The following PDE3B variants were observed in gnomAD, a reference collection of about 807,000 sequenced individuals.
PDE3B encodes the protein cGMP-inhibited 3',5'-cyclic phosphodiesterase 3B.
In PDE3B, 66 loss-of-function variants were observed where a neutral mutation model predicts 116.8. The ratio of observed to expected loss-of-function variants is 0.56; its 90% CI spans 0.46 to 0.69. The LOEUF is 0.69. Among genes scored for constraint, PDE3B ranks in the 30% least tolerant of loss-of-function variants. The pLI is 0.00. For missense variants in PDE3B, 1,384 were observed against 1,368.1 expected, an observed-to-expected ratio of 1.01 and a Z score of -0.18; for synonymous variants, 595 against 533.6, an observed-to-expected ratio of 1.12 and a Z score of -1.59.
At chr11:14,667,745 A>G (rs1183178206) in intron 1 of PDE3B, among the ~76,000 whole-genome samples, 1 of 151,248 alleles carries the variant, frequency 6.6e-6, no homozygotes, top group African/African-American at 2.4e-5. Context: ...GCTAAATGAC[A>G]AGTTAATGGG....
chr11:14,789,322 T>A, intron 4 of PDE3B, 80 bp downstream of exon 4: 1 of 1,110,646 alleles, frequency 9.0e-7, no homozygotes, highest in South Asian at 1.5e-5. Flanking sequence ...CAAATAGTTC[T>A]GGAAGCAGAA....
At chr11:14,748,992 G>A (rs1416212527) in intron 1 of PDE3B, among the ~76,000 whole-genome samples, 2 of 151,312 alleles carry the variant, frequency 1.3e-5, no homozygotes, top group Non-Finnish European at 2.9e-5. Flanking sequence ...GGGTTCATGT[G>A]ATTCTCATGC....
chr11:14,836,772 C>G (rs1310331225), intron 11 of PDE3B, among the ~76,000 whole-genome samples: 1 of 152,312 alleles, frequency 6.6e-6, no homozygotes, highest in East Asian at 1.9e-4. Context: ...CTTGCCTCCT[C>G]CAATTACACT....
chr11:14,827,015 A>G (rs1451596842), intron 7 of PDE3B, among the ~76,000 whole-genome samples: 1 of 152,266 alleles, frequency 6.6e-6, no homozygotes, highest in African/African-American at 2.4e-5. Flanking sequence ...TTGGTTCAAC[A>G]TATGCAAATC....
At chr11:14,738,004 A>C (rs891222283) in intron 1 of PDE3B, among the ~76,000 whole-genome samples, 4 of 152,028 alleles carry the variant, frequency 2.6e-5, no homozygotes, top group Admixed American at 6.6e-5. Context: ...ACATTTTCTT[A>C]ATCCAGTCTA....
At chr11:14,891,963 G>C in the PDE3B span, 1 of 1,610,628 alleles carries the variant, frequency 6.2e-7, no homozygotes, top group Non-Finnish European at 8.5e-7. Flanking sequence ...CCCTGCCCGG[G>C]GCCCGTCGGG....
chr11:14,659,126 T>C (rs1853810297), intron 1 of PDE3B, among the ~76,000 whole-genome samples: 1 of 152,174 alleles, frequency 6.6e-6, no homozygotes, highest in Non-Finnish European at 1.5e-5. Context: ...TGCCTCAGTT[T>C]ATAGGTGAAG....
At chr11:14,731,938 G>A (rs1856469634) in intron 1 of PDE3B, among the ~76,000 whole-genome samples, 2 of 152,124 alleles carry the variant, frequency 1.3e-5, no homozygotes, top group South Asian at 4.1e-4. Context: ...AAGTGCTGTG[G>A]AGGAAAATTA....
chr11:14,756,608 CA>C (rs1421736038), intron 1 of PDE3B, among the ~76,000 whole-genome samples: 5 of 151,966 alleles, frequency 3.3e-5, no homozygotes, highest in Non-Finnish European at 7.4e-5. Flanking sequence ...GGATGGAGTC[CA>C]AAAAGGTTAG....
In PDE3B at chr11:14,643,980, G is replaced by C. The variant is rs1006876066; in HGVS notation, c.-96G>C. 5 of 1,375,344 alleles carry C rather than the reference G, an allele frequency of 3.6e-6. No individual in the cohort carries two copies. The Admixed American group carries it at 1.1e-4, about 31-fold the overall frequency. The allele number at this position is 1,375,344 out of a possible 1,614,324, so 85.2% of individuals were successfully genotyped here. A position where few individuals can be genotyped will look rare whatever the true frequency, so the allele number is the denominator to read the frequency against. ...GCCCTGACGGGTTGCGAACCAGGGG[G>C]CGCCCCGAACGCGGGGGTTGGGGTC... On this transcript the variant is annotated 5_prime_UTR_variant, in exon 1 of 16. Coordinates refer to ENST00000282096, the MANE Select transcript of PDE3B (RefSeq NM_000922.4).
At chr11:14,703,161 C>T (rs764764052) in intron 1 of PDE3B, among the ~76,000 whole-genome samples, 8 of 151,760 alleles carry the variant, frequency 5.3e-5, no homozygotes, top group Non-Finnish European at 1.0e-4. Flanking sequence ...AATCTTACCC[C>T]AGTATCCCAT....
intron 10 of PDE3B, among the ~76,000 whole-genome samples, chr11:14,834,159 A>C (rs1859982342): frequency 6.6e-6 from 1 of 152,222 alleles, no homozygotes; most frequent in South Asian, 2.1e-4. Context: ...ACGCCATGTC[A>C]TATCTATAGG....
intron 3 of PDE3B, among the ~76,000 whole-genome samples, chr11:14,788,105 A>C (rs1027292622): frequency 6.6e-6 from 1 of 151,908 alleles, no homozygotes; most frequent in Non-Finnish European, 1.5e-5. Flanking sequence ...TCATATAAGA[A>C]CCAGGAAGTA....
chr11:14,757,198 A>C (rs1857216186), intron 1 of PDE3B, among the ~76,000 whole-genome samples: 1 of 151,616 alleles, frequency 6.6e-6, no homozygotes, highest in South Asian at 2.1e-4. Flanking sequence ...AATCCAGTCT[A>C]TCATTGTTGG....
intron 1 of PDE3B, among the ~76,000 whole-genome samples, chr11:14,679,473 C>T (rs1035423445): frequency 6.6e-6 from 1 of 152,090 alleles, no homozygotes; most frequent in Non-Finnish European, 1.5e-5. Flanking sequence ...CCTAGACGCC[C>T]TCCACCGGTA....
chr11:14,886,452 TATTCCACAAAGTGA>T, the PDE3B span: 1 of 156,718 alleles, frequency 6.4e-6, no homozygotes, highest in African/African-American at 2.4e-5. Flanking sequence ...TGGCTCTCTG[TATTCCACAAAGTGA>T]ATGAAGAGGG....
At chr11:14,802,322 C>T (rs1373051273) in intron 4 of PDE3B, among the ~76,000 whole-genome samples, 2 of 152,218 alleles carry the variant, frequency 1.3e-5, no homozygotes, top group African/African-American at 4.8e-5. Flanking sequence ...ATTGCGAAGA[C>T]TGGGAAAAGC....
chr11:14,688,513 G>A (rs760340443), intron 1 of PDE3B, among the ~76,000 whole-genome samples: 1 of 152,122 alleles, frequency 6.6e-6, no homozygotes, highest in African/African-American at 2.4e-5. Context: ...GAATGTGTGT[G>A]TACTCTGTAT....
At chr11:14,835,418 A>G (rs1342949542) in intron 11 of PDE3B, among the ~76,000 whole-genome samples, 2 of 151,562 alleles carry the variant, frequency 1.3e-5, no homozygotes, top group Admixed American at 1.3e-4. Flanking sequence ...ATATTATGAT[A>G]ATTAGTCCTT....
Sources: gnomAD v4.1 joint callset for allele counts (sites outside exome capture counted in the v4.1 genomes callset) on GRCh38, gnomAD v4.1.1 for gene constraint, MANE v1.5 for transcripts, NCBI Gene and HGNC (gene_info 2026-07-23, HGNC 2026-07-21) for gene names.